Variants in NDUFS4 observed in about 807,000 individuals in gnomAD.
The protein encoded by NDUFS4 is NADH dehydrogenase [ubiquinone] iron-sulfur protein 4, mitochondrial.
Under a neutral mutation model 24.3 loss-of-function variants are expected in NDUFS4, and 28 were observed. That is an observed-to-expected ratio of 1.15 (90% CI 0.85 to 1.58). The LOEUF (loss-of-function observed/expected upper bound fraction) is 1.58, where lower values mean the gene tolerates loss of function less well. Among genes scored for constraint, NDUFS4 ranks in the 40% most tolerant of loss-of-function variants. The pLI is 0.00. For missense variants in NDUFS4, 223 were observed against 207.9 expected, an observed-to-expected ratio of 1.07 and a Z score of -0.45; for synonymous variants, 93 against 69.7, an observed-to-expected ratio of 1.34 and a Z score of -1.67.
intron 1 of NDUFS4, among the ~76,000 whole-genome samples, chr5:53,585,325 T>C (rs1016520308): frequency 1.3e-5 from 2 of 152,230 alleles, no homozygotes; most frequent in East Asian, 3.8e-4. Flanking sequence ...AGTCTGCAGT[T>C]TTATTGACTC....
intron 1 of NDUFS4, among the ~76,000 whole-genome samples, chr5:53,601,003 ATTTTT>A (rs3084744): frequency 1.5e-5 from 2 of 130,704 alleles, no homozygotes; most frequent in Non-Finnish European, 1.6e-5. Flanking sequence ...TTTATAATAA[ATTTTT>A]TTTTTTTTTT....
At chr5:53,598,522 T>C (rs1223782296) in intron 1 of NDUFS4, among the ~76,000 whole-genome samples, 2 of 152,018 alleles carry the variant, frequency 1.3e-5, no homozygotes, top group Admixed American at 6.5e-5. Flanking sequence ...GAAGAAACTT[T>C]AGAGCAACAA....
At chr5:53,663,021 G>A (rs1176570410) in intron 4 of NDUFS4, among the ~76,000 whole-genome samples, 1 of 151,750 alleles carries the variant, frequency 6.6e-6, no homozygotes, top group East Asian at 1.9e-4. Flanking sequence ...GGTATGTTGT[G>A]TCTTTGTTCT....
At chr5:53,571,124 A>C (rs201802491) in intron 1 of NDUFS4, among the ~76,000 whole-genome samples, 151 of 152,310 alleles carry the variant, frequency 9.9e-4, no homozygotes, top group African/African-American at 3.5e-3. Context: ...TGGTTTTCAT[A>C]TATTCCCAGA....
intron 1 of NDUFS4, among the ~76,000 whole-genome samples, chr5:53,580,729 TC>T (rs1290704141): frequency 3.5e-5 from 5 of 144,048 alleles, no homozygotes; most frequent in South Asian, 2.2e-4. Flanking sequence ...CTTTTCCTTT[TC>T]CCTTTCCTTT....
chr5:53,579,299 A>G (rs1300246174), intron 1 of NDUFS4, among the ~76,000 whole-genome samples: 1 of 152,222 alleles, frequency 6.6e-6, no homozygotes, highest in Non-Finnish European at 1.5e-5. Context: ...TATACACATG[A>G]ATATATGTAT....
At chr5:53,585,045 G>C (rs951061542) in intron 1 of NDUFS4, among the ~76,000 whole-genome samples, 1 of 152,128 alleles carries the variant, frequency 6.6e-6, no homozygotes, top group Middle Eastern at 3.2e-3. Flanking sequence ...TTTCAGACGT[G>C]GGCCATAGTG....
At chr5:53,562,682 G>A (rs1231265107) in intron 1 of NDUFS4, among the ~76,000 whole-genome samples, 1 of 152,016 alleles carries the variant, frequency 6.6e-6, no homozygotes, top group Non-Finnish European at 1.5e-5. Context: ...CCTAATTTGA[G>A]GGAAATTTAT....
At chr5:53,625,080 G>A (rs1024378863) in intron 2 of NDUFS4, among the ~76,000 whole-genome samples, 2 of 151,890 alleles carry the variant, frequency 1.3e-5, no homozygotes, top group Admixed American at 6.6e-5. Flanking sequence ...TGAGTAGCTG[G>A]GAATATAGGC....
intron 2 of NDUFS4, among the ~76,000 whole-genome samples, chr5:53,605,868 G>A (rs979232695): frequency 2.6e-5 from 4 of 152,114 alleles, no homozygotes; most frequent in African/African-American, 9.7e-5. Context: ...CAAAAAATTT[G>A]CTGGGCGTGG....
At chr5:53,623,822 G>A (rs959880569) in intron 2 of NDUFS4, among the ~76,000 whole-genome samples, 1 of 152,104 alleles carries the variant, frequency 6.6e-6, no homozygotes, top group Admixed American at 6.6e-5. Flanking sequence ...GGGATCAAGC[G>A]ATTCTTCTGC....
chr5:53,616,342 G>A (rs1750839114), intron 2 of NDUFS4, among the ~76,000 whole-genome samples: 2 of 151,834 alleles, frequency 1.3e-5, no homozygotes, highest in Admixed American at 1.3e-4. Flanking sequence ...AATAATTATG[G>A]TATTTTTCAT....
At chr5:53,577,868 C>T (rs1458162008) in intron 1 of NDUFS4, among the ~76,000 whole-genome samples, 2 of 152,182 alleles carry the variant, frequency 1.3e-5, no homozygotes, top group African/African-American at 4.8e-5. Flanking sequence ...TTGTGTATAA[C>T]ATCCCAGCTA....
intron 2 of NDUFS4, among the ~76,000 whole-genome samples, chr5:53,622,963 A>G (rs1209263752): frequency 6.6e-6 from 1 of 152,124 alleles, no homozygotes; most frequent in Non-Finnish European, 1.5e-5. Context: ...CATTCCTTTT[A>G]AAGGCTCTAC....
At chr5:53,594,574 C>G (rs1026922905) in intron 1 of NDUFS4, among the ~76,000 whole-genome samples, 6 of 151,796 alleles carry the variant, frequency 4.0e-5, no homozygotes, top group Non-Finnish European at 5.9e-5. Flanking sequence ...CTCATATCAT[C>G]TGCATTCCCT....
At chr5:53,572,976 T>A (rs995032907) in intron 1 of NDUFS4, among the ~76,000 whole-genome samples, 1 of 148,406 alleles carries the variant, frequency 6.7e-6, no homozygotes, top group Non-Finnish European at 1.5e-5. Flanking sequence ...TTTTGTTTTT[T>A]TTTTTTTTTA....
At chr5:53,594,989 A>T (rs1261978583) in intron 1 of NDUFS4, among the ~76,000 whole-genome samples, 2 of 152,104 alleles carry the variant, frequency 1.3e-5, no homozygotes, top group Non-Finnish European at 2.9e-5. Context: ...CTTCCATGAA[A>T]GGATGGCCAG....
intron 3 of NDUFS4, among the ~76,000 whole-genome samples, chr5:53,648,158 G>T (rs1751917952): frequency 6.6e-6 from 1 of 152,166 alleles, no homozygotes; most frequent in East Asian, 1.9e-4. Flanking sequence ...TAATAAAGCT[G>T]AGAAATAGAT....
intron 4 of NDUFS4, among the ~76,000 whole-genome samples, chr5:53,660,367 T>C (rs1010479884): frequency 2.0e-5 from 3 of 152,168 alleles, no homozygotes; most frequent in Non-Finnish European, 2.9e-5. Context: ...CCATGGTGTA[T>C]ATGTGCCACA....
Sources: allele counts gnomAD v4.1 joint callset (sites outside exome capture counted in the v4.1 genomes callset), GRCh38; gene constraint gnomAD v4.1.1; transcripts MANE v1.5; gene names NCBI Gene and HGNC (gene_info 2026-07-23, HGNC 2026-07-21).